Variants in NFAM1 observed in about 807,000 individuals in gnomAD.
The protein encoded by NFAM1 is NFAT activating protein with ITAM motif 1.
A neutral mutation model predicts 29.0 loss-of-function variants in NFAM1; 17 were observed. The ratio of observed to expected loss-of-function variants is 0.59; its 90% CI spans 0.40 to 0.88. The LOEUF (loss-of-function observed/expected upper bound fraction) is 0.88. NFAM1 is among the 40% of genes least tolerant of loss of function. The probability of loss-of-function intolerance (pLI) is 0.00; values close to 1 mark genes in which losing one functional copy is unlikely to be tolerated. For synonymous variants in NFAM1, 175 were observed against 147.2 expected, an observed-to-expected ratio of 1.19 and a Z score of -1.36; for missense variants, 324 against 344.6, an observed-to-expected ratio of 0.94 and a Z score of 0.47.
chr22:42,410,476 T>C (rs769206984), intron 2 of NFAM1: 1 of 384,970 alleles, frequency 2.6e-6, no homozygotes, highest in South Asian at 1.8e-5. Context: ...CTGGCCAACA[T>C]GGCGAAATCT....
intron 3 of NFAM1, among the ~76,000 whole-genome samples, chr22:42,401,102 A>G (rs1929711641): frequency 6.6e-6 from 1 of 152,220 alleles, no homozygotes; most frequent in Non-Finnish European, 1.5e-5. Context: ...GGGTTGCCAG[A>G]GAAGTGAGTG....
At chr22:42,394,088 T>A (rs1265276096) in intron 4 of NFAM1, among the ~76,000 whole-genome samples, 2 of 151,390 alleles carry the variant, frequency 1.3e-5, no homozygotes, top group Admixed American at 1.3e-4. Context: ...CAGGCTGGAG[T>A]GCAATGGCGC....
chr22:42,387,488 C>G (rs1235236843), intron 4 of NFAM1, among the ~76,000 whole-genome samples: 3 of 151,990 alleles, frequency 2.0e-5, no homozygotes. Flanking sequence ...TAGGATGCCC[C>G]CATGACCTCT....
At chr22:42,418,335 G>C (rs968135330) in intron 1 of NFAM1, among the ~76,000 whole-genome samples, 1 of 152,174 alleles carries the variant, frequency 6.6e-6, no homozygotes, top group Non-Finnish European at 1.5e-5. Context: ...TACTTGCCAC[G>C]GGCCAGGCTG....
At chr22:42,396,069 T>G (rs970731308) in intron 4 of NFAM1, among the ~76,000 whole-genome samples, 2 of 152,094 alleles carry the variant, frequency 1.3e-5, no homozygotes, top group Admixed American at 1.3e-4. Flanking sequence ...TGACTGTCAC[T>G]CTTCTCCGCC....
chr22:42,432,280 G>A lies in NFAM1; in HGVS notation c.78C>T (p.Leu26=). The A allele has an allele frequency of 6.4e-7, 1 of 1,572,720 alleles. No individual in the cohort carries two copies. Among genetic ancestry groups the A allele is most frequent in the Non-Finnish European group, 8.6e-7 (1 of 1,158,668 alleles). ...RPPGLPAAPW[L]LLGVLLLPGT... is the part of the protein sequence containing the mutation. ...CGGGCAGCAGCAGCACGCCAAGGAG[G>A]AGCCAGGGGGCTGCGGGGAGCCCAG... Residue 26 remains leucine (L), a synonymous_variant, in exon 1 of 6, where the codon CTC becomes CTT. Coordinates refer to ENST00000329021, the MANE Select transcript of NFAM1 (RefSeq NM_145912.8).
At chr22:42,397,754 G>C in intron 4 of NFAM1, 104 bp downstream of exon 4, 1 of 724,806 alleles carries the variant, frequency 1.4e-6, no homozygotes, top group Non-Finnish European at 2.5e-6. Flanking sequence ...GGCTAGGAGA[G>C]TCCACACAGC....
intron 3 of NFAM1, among the ~76,000 whole-genome samples, chr22:42,405,115 A>G (rs1038274379): frequency 1.1e-4 from 17 of 152,224 alleles, no homozygotes; most frequent in Non-Finnish European, 2.9e-5. Flanking sequence ...GAGGGGAGGG[A>G]GCAGGGACCA....
At chr22:42,396,337 G>A (rs949230106) in intron 4 of NFAM1, among the ~76,000 whole-genome samples, 8 of 152,126 alleles carry the variant, frequency 5.3e-5, no homozygotes, top group Admixed American at 5.2e-4. Flanking sequence ...TAGCTGTATT[G>A]CTCCAATTAA....
chr22:42,421,170 G>A (rs983261379), intron 1 of NFAM1, among the ~76,000 whole-genome samples: 5 of 149,780 alleles, frequency 3.3e-5, no homozygotes, highest in African/African-American at 1.2e-4. Flanking sequence ...GCTCCCATGG[G>A]CTAGGCGCAG....
At chr22:42,385,331 G>A in intron 5 of NFAM1, 111 bp from the exon 6 acceptor site, 1 of 805,910 alleles carries the variant, frequency 1.2e-6, no homozygotes, top group South Asian at 1.4e-5. Flanking sequence ...CACTTCCTGT[G>A]TAGCTTTGAT....
At chr22:42,423,594 C>A (rs1231518305) in intron 1 of NFAM1, among the ~76,000 whole-genome samples, 1 of 145,664 alleles carries the variant, frequency 6.9e-6, no homozygotes, top group African/African-American at 2.6e-5. Flanking sequence ...GTAGCAGTGC[C>A]TGCAGTTCCA....
At chr22:42,385,291 T>A in intron 5 of NFAM1, 71 bp from the exon 6 acceptor site, 2 of 1,150,612 alleles carry the variant, frequency 1.7e-6, no homozygotes, top group Non-Finnish European at 2.6e-6. Context: ...GAACTTGCAC[T>A]AATTTAGTTT....
intron 1 of NFAM1, among the ~76,000 whole-genome samples, chr22:42,426,908 C>G (rs1422625365): frequency 6.6e-6 from 1 of 152,160 alleles, no homozygotes; most frequent in Admixed American, 6.5e-5. Context: ...GTCCCAGGTG[C>G]CACGCCCTGA....
intron 1 of NFAM1, 91 bp from the exon 2 acceptor site, chr22:42,411,827 G>A: frequency 1.2e-6 from 1 of 837,110 alleles, no homozygotes; most frequent in Non-Finnish European, 1.9e-6. Flanking sequence ...ACCGGGTGCG[G>A]TGGCTCACAC....
intron 1 of NFAM1, among the ~76,000 whole-genome samples, chr22:42,412,243 AAAAG>A (rs890561731): frequency 8.5e-5 from 13 of 152,196 alleles, no homozygotes; most frequent in Admixed American, 1.3e-4. Context: ...AGAAAAAAAA[AAAAG>A]AAAGACAAGT....
At chr22:42,414,296 G>A (rs1242470374) in intron 1 of NFAM1, among the ~76,000 whole-genome samples, 4 of 152,062 alleles carry the variant, frequency 2.6e-5, no homozygotes, top group African/African-American at 7.2e-5. Flanking sequence ...TTGTATCTCC[G>A]GACTCTACTG....
At chr22:42,402,637 G>A (rs901498369) in intron 3 of NFAM1, among the ~76,000 whole-genome samples, 1 of 146,798 alleles carries the variant, frequency 6.8e-6, no homozygotes, top group South Asian at 2.2e-4. Context: ...CCAATGCCAT[G>A]AGAGGATGAG....
At chr22:42,433,890 C>A (rs529253533), upstream of NFAM1, among the ~76,000 whole-genome samples, 2 of 152,256 alleles carry the variant, frequency 1.3e-5, no homozygotes, top group African/African-American at 4.8e-5. Flanking sequence ...GGTGATAGAC[C>A]TCGTGTCAAT....
Sources: allele counts gnomAD v4.1 joint callset (sites outside exome capture counted in the v4.1 genomes callset), GRCh38; gene constraint gnomAD v4.1.1; transcripts MANE v1.5; gene names NCBI Gene and HGNC (gene_info 2026-07-23, HGNC 2026-07-21).